MCPH1: variants seen among roughly 807,000 people sequenced by gnomAD.
MCPH1 encodes microcephalin 1.
Under a neutral mutation model 84.5 loss-of-function variants are expected in MCPH1, and 104 were observed. The observed-to-expected ratio is 1.23, with a 90% CI of 1.05 to 1.45. MCPH1 has a LOEUF of 1.45. Ranked by LOEUF, MCPH1 falls within the 40% of genes most tolerant of loss-of-function variation. The pLI is 0.00. For missense variants in MCPH1, 1,498 were observed against 1,005.7 expected (o/e 1.49, Z -6.62); for synonymous variants, 514 against 366.8 (o/e 1.40, Z -4.58).
chr8:6,442,083 G>A lies in MCPH1; in HGVS notation c.597G>A (p.Gln199=), dbSNP rs756924757. The A allele has an allele frequency of 6.2e-6, 10 of 1,612,402 alleles. No homozygotes were observed. The highest frequency in any genetic ancestry group is 8.5e-6 in the Non-Finnish European group (10 of 1,178,590). Residue 199 remains glutamine (Q), a synonymous_variant, in exon 7 of 14, where the codon CAG becomes CAA. Coordinates refer to ENST00000344683, the MANE Select transcript of MCPH1 (RefSeq NM_024596.5). ...TGTTTTTAGCTTCCCAAATGATTCA[G>A]CAGTCTCATGATAATCCAAGTAACT... is the stretch of plus-strand genomic sequence containing the variant. ...NLSPTSSQMI[Q]QSHDNPSNSL...
At chr8:6,553,648 C>G (rs2129575108) in intron 12 of MCPH1, among the ~76,000 whole-genome samples, 1 of 151,788 alleles carries the variant, frequency 6.6e-6, no homozygotes, top group East Asian at 1.9e-4. Context: ...AAACAAAATC[C>G]CTGAAATGGT....
intron 12 of MCPH1, among the ~76,000 whole-genome samples, chr8:6,580,839 A>G (rs117730861): frequency 0.023 from 3,512 of 152,322 alleles, 53 homozygotes; most frequent in South Asian, 0.077. Context: ...ATAACTTTGC[A>G]TTTAACATTT....
intron 11 of MCPH1, among the ~76,000 whole-genome samples, chr8:6,497,554 C>T (rs1185338433): frequency 2.0e-5 from 3 of 152,040 alleles, no homozygotes. Flanking sequence ...CAACCACTGA[C>T]CAGCACCAGT....
At chr8:6,408,630 T>C (rs539178372) in intron 1 of MCPH1, among the ~76,000 whole-genome samples, 17 of 151,378 alleles carry the variant, frequency 1.1e-4, no homozygotes, top group Middle Eastern at 6.8e-3. Context: ...CCTCCTGGGC[T>C]CTAGGGATTC....
rs115931722 is a variant in MCPH1 at position 6,449,779 on chromosome 8, A to G, written c.1825+4232A>G. ...TCTTCTTGTTTTAACCTCTGACAGC[A>G]CAAGAGAGAATCGTTGCTTATGTGT... On this transcript the variant is annotated intron_variant, in intron 8 of 13. Transcript: ENST00000344683. 2.8e-3 allele frequency among the ~76,000 whole-genome samples: 431 copies of G among 152,306 alleles called. 4 individuals carry two copies. The highest frequency in any genetic ancestry group is 9.8e-3 in the African/African-American group (409 of 41,562).
At chr8:6,429,195 T>C (rs774218544) in intron 3 of MCPH1, among the ~76,000 whole-genome samples, 4 of 152,212 alleles carry the variant, frequency 2.6e-5, no homozygotes, top group Admixed American at 6.5e-5. Flanking sequence ...GAGTGAACCA[T>C]GAATATATTT....
Position 6,643,287 on chromosome 8 carries a change from C to G in MCPH1, c.*238C>G, listed in dbSNP as rs1042267371. On this transcript the variant is annotated 3_prime_UTR_variant, in exon 14 of 14. Transcript: ENST00000344683. ...TTATTTTATTTTTTATTTTTTGAGA[C>G]GGAGTCCTGCCCTGTTTCCCAGGCT... is the stretch of plus-strand genomic sequence containing the variant. 1 of 520,334 alleles carries G rather than the reference C, an allele frequency of 1.9e-6. No homozygotes were observed. Among genetic ancestry groups the G allele is most frequent in the African/African-American group, 1.9e-5 (1 of 52,170 alleles). 32.2% of individuals were successfully genotyped at this position (520,334 alleles called of 1,614,324 possible). A position where few individuals can be genotyped will look rare whatever the true frequency, so the allele number is the denominator to read the frequency against.
At position 6,611,126 on chromosome 8, in the gene MCPH1, A is replaced by ACAGT. The variant is rs1290412520; in HGVS notation, c.2215-10326_2215-10325insGTCA. 5.3e-4 allele frequency among the ~76,000 whole-genome samples: 74 copies of ACAGT among 138,830 alleles called. 1 individual carries two copies. The highest frequency in any genetic ancestry group is 2.2e-3 in the African/African-American group (70 of 32,382). The allele number at this position is 138,830 out of a possible 152,430, so 91.1% of individuals were successfully genotyped here. On this transcript the variant is annotated intron_variant, in intron 12 of 13. Coordinates refer to ENST00000344683, the MANE Select transcript of MCPH1 (RefSeq NM_024596.5). ...CATACACACACACTCTCTCACACAC[A>ACAGT]CACTCACACACACACACACACACTC... is the stretch of plus-strand genomic sequence containing the variant.
At chr8:6,637,224 G>A (rs921094691) in intron 13 of MCPH1, among the ~76,000 whole-genome samples, 1 of 152,202 alleles carries the variant, frequency 6.6e-6, no homozygotes, top group East Asian at 1.9e-4. Context: ...ACATTTAAGA[G>A]AGAAGACAGG....
At chr8:6,429,799 AT>A (rs1481947609) in intron 3 of MCPH1, among the ~76,000 whole-genome samples, 1 of 151,882 alleles carries the variant, frequency 6.6e-6, no homozygotes, top group Non-Finnish European at 1.5e-5. Flanking sequence ...TGCCACAGTT[AT>A]TGCAGTATTC....
chr8:6,496,163 TAG>T (rs953360736), intron 11 of MCPH1, among the ~76,000 whole-genome samples: 1 of 152,190 alleles, frequency 6.6e-6, no homozygotes, highest in African/African-American at 2.4e-5. Context: ...TTTCTGCAAC[TAG>T]ACAGTCCCAT....
intron 13 of MCPH1, among the ~76,000 whole-genome samples, chr8:6,642,508 C>T (rs951930248): frequency 6.6e-6 from 1 of 152,216 alleles, no homozygotes; most frequent in African/African-American, 2.4e-5. Flanking sequence ...TGCTTATTCA[C>T]TTGGAATTCC....
chr8:6,486,847 T>C (rs1488640794), intron 11 of MCPH1, among the ~76,000 whole-genome samples: 1 of 152,254 alleles, frequency 6.6e-6, no homozygotes, highest in African/African-American at 2.4e-5. Flanking sequence ...TGTTATGTGT[T>C]GTTCAAGCAT....
intron 12 of MCPH1, chr8:6,501,045 A>G (rs1812076889): frequency 6.6e-6 from 1 of 152,226 alleles, no homozygotes; most frequent in Admixed American, 6.5e-5. Flanking sequence ...AACTTGATAC[A>G]AGGCCATGAT....
At chr8:6,549,021 A>G (rs1043481613) in intron 12 of MCPH1, among the ~76,000 whole-genome samples, 3 of 152,224 alleles carry the variant, frequency 2.0e-5, no homozygotes, top group Admixed American at 6.5e-5. Context: ...ATCACGGAAT[A>G]AACACCAAGA....
intron 4 of MCPH1, among the ~76,000 whole-genome samples, chr8:6,433,872 C>G (rs891268925): frequency 2.0e-5 from 3 of 151,954 alleles, no homozygotes; most frequent in Non-Finnish European, 4.4e-5. Context: ...CTCTGTCTCC[C>G]CCCTCACCCT....
In MCPH1 at chr8:6,641,675, C is replaced by T. The variant is rs115668933; in HGVS notation, c.2453-1319C>T. Among the ~76,000 whole-genome samples, 1,517 of 152,308 alleles carry T rather than the reference C, an allele frequency of 1.0e-2. 32 individuals carry two copies. The highest frequency in any genetic ancestry group is 0.034 in the African/African-American group (1,392 of 41,548). On this transcript the variant is annotated intron_variant, in intron 13 of 13. Coordinates refer to ENST00000344683, the MANE Select transcript of MCPH1 (RefSeq NM_024596.5). Reference sequence around the variant, plus strand: ...TGGAGGATCACCTGAGTCCAGGAGACTGAGGCTGCAGTGAGTCATGTTTGC... The same window carrying T: ...TGGAGGATCACCTGAGTCCAGGAGATTGAGGCTGCAGTGAGTCATGTTTGC...
In MCPH1 at chr8:6,621,320, A is replaced by G. The variant is rs1048934532; in HGVS notation, c.2215-134A>G. On this transcript the variant is annotated intron_variant, in intron 12 of 13. Transcript: ENST00000344683. The stretch of plus-strand genomic sequence containing the variant: ...CTTCTCTGGATTCTCAGAATTCAAA[A>G]TTCACAGGAGCATGGCAGCCTTACA... The G allele has an allele frequency of 1.1e-5, 13 of 1,165,232 alleles. No individual in the cohort carries two copies. The African/African-American group carries it at 2.0e-4, about 18-fold the overall frequency. The allele number at this position is 1,165,232 out of a possible 1,614,324, so 72.2% of individuals were successfully genotyped here. A position where few individuals can be genotyped will look rare whatever the true frequency, so the allele number is the denominator to read the frequency against.
Position 6,541,723 on chromosome 8 carries a change from G to T in MCPH1, c.2214+41794G>T, listed in dbSNP as rs549645743. On this transcript the variant is annotated intron_variant, in intron 12 of 13. Coordinates refer to ENST00000344683, the MANE Select transcript of MCPH1 (RefSeq NM_024596.5). ...TTTTTAAAACTGTACTGAATGTAGG[G>T]CCGGGCATAGTGGCTCACTCCTGTA... Among the ~76,000 whole-genome samples the T allele has an allele frequency of 1.3e-4, 20 of 152,246 alleles. 3 individuals carry two copies. Among genetic ancestry groups the T allele is most frequent in the African/African-American group, 4.3e-4 (18 of 41,534 alleles).
Sources: allele counts gnomAD v4.1 joint callset (sites outside exome capture counted in the v4.1 genomes callset), GRCh38; gene constraint gnomAD v4.1.1; transcripts MANE v1.5; gene names NCBI Gene and HGNC (gene_info 2026-07-23, HGNC 2026-07-21).